The following PIP5K1B variants were observed in gnomAD, a reference collection of about 807,000 sequenced individuals.
The protein encoded by PIP5K1B is phosphatidylinositol-4-phosphate 5-kinase type 1 beta, also known as phosphatidylinositol 4-phosphate 5-kinase type-1 beta.
A neutral mutation model predicts 67.0 loss-of-function variants in PIP5K1B; 42 were observed. That is an observed-to-expected ratio of 0.63 (90% CI 0.49 to 0.81). The LOEUF is 0.81. PIP5K1B is among the 30% of genes least tolerant of loss of function. The pLI, the probability that PIP5K1B is intolerant of heterozygous loss-of-function variation, is 0.00. For missense variants in PIP5K1B, 459 were observed against 646.3 expected, an observed-to-expected ratio of 0.71 and a Z score of 3.14; for synonymous variants, 214 against 231.4, an observed-to-expected ratio of 0.92 and a Z score of 0.68.
intron 14 of PIP5K1B, among the ~76,000 whole-genome samples, chr9:68,956,461 C>G (rs1465083634): frequency 1.3e-5 from 2 of 151,986 alleles, no homozygotes; most frequent in African/African-American, 4.8e-5. Flanking sequence ...TGAGGAGACT[C>G]TGTCTCAGAA....
intron 14 of PIP5K1B, among the ~76,000 whole-genome samples, chr9:68,950,270 C>T (rs1827994754): frequency 6.6e-6 from 1 of 152,178 alleles, no homozygotes; most frequent in African/African-American, 2.4e-5. Context: ...CCCCTCTTTG[C>T]TTAAAGGTCA....
intron 13 of PIP5K1B, among the ~76,000 whole-genome samples, chr9:68,939,035 A>G (rs190262832): frequency 1.9e-4 from 29 of 152,336 alleles, no homozygotes; most frequent in Admixed American, 1.8e-3. Context: ...CCCTTTTGCT[A>G]GGTCACATCA....
At position 68,774,894 on chromosome 9, in the gene PIP5K1B, CAGAT is replaced by C. The variant is rs529143760; in HGVS notation, c.-86+32240_-86+32243del. On this transcript the variant is annotated intron_variant, in intron 2 of 15. Coordinates refer to ENST00000265382, the MANE Select transcript of PIP5K1B (RefSeq NM_003558.4). ...GTTTCATTGCAACTGAAGTCTCACTCAGATAGTATCTTTTTTCCTTGATCAACTT... is the reference window on the plus strand; with the variant it reads ...GTTTCATTGCAACTGAAGTCTCACTCAGTATCTTTTTTCCTTGATCAACTT... Among the ~76,000 whole-genome samples the C allele has an allele frequency of 2.4e-3, 367 of 152,346 alleles. 1 individual carries two copies. The highest frequency in any genetic ancestry group is 8.2e-3 in the African/African-American group (340 of 41,572).
intron 2 of PIP5K1B, among the ~76,000 whole-genome samples, chr9:68,775,377 T>C (rs1830865219): frequency 6.6e-6 from 1 of 152,212 alleles, no homozygotes; most frequent in Non-Finnish European, 1.5e-5. Flanking sequence ...CTTTACAGCT[T>C]CTATTTGGCA....
chr9:68,844,025 A>G lies in PIP5K1B; in HGVS notation c.70-19812A>G, dbSNP rs141971758. On this transcript the variant is annotated intron_variant, in intron 4 of 15. Transcript: ENST00000265382. ...AGTAGTTGGCCAGGCCTTTTGTGCAACGGACTCAAGAAACATGTAAGAGAA... is the reference window on the plus strand; with the variant it reads ...AGTAGTTGGCCAGGCCTTTTGTGCAGCGGACTCAAGAAACATGTAAGAGAA... 1.8e-4 allele frequency among the ~76,000 whole-genome samples: 27 copies of G among 152,328 alleles called. No individual in the cohort carries two copies. In the East Asian group the frequency reaches 4.6e-3, roughly 26 times the overall value.
At chr9:68,762,430 T>C (rs534692612) in intron 2 of PIP5K1B, among the ~76,000 whole-genome samples, 48 of 152,232 alleles carry the variant, frequency 3.2e-4, no homozygotes, top group African/African-American at 1.1e-3. Context: ...TTCAGTCCAC[T>C]CTTGGGTAGA....
intron 14 of PIP5K1B, among the ~76,000 whole-genome samples, chr9:68,987,428 G>T (rs988737495): frequency 6.6e-6 from 1 of 151,930 alleles, no homozygotes; most frequent in African/African-American, 2.4e-5. Context: ...AGGGCGTGGT[G>T]GCAAGTGCCT....
intron 13 of PIP5K1B, among the ~76,000 whole-genome samples, chr9:68,937,520 G>T (rs1032398934): frequency 1.3e-5 from 2 of 152,026 alleles, no homozygotes; most frequent in African/African-American, 2.4e-5. Flanking sequence ...CTGGCTAGAG[G>T]TCTATCTATT....
At chr9:68,880,055 T>G (rs1824101319) in intron 6 of PIP5K1B, among the ~76,000 whole-genome samples, 1 of 151,784 alleles carries the variant, frequency 6.6e-6, no homozygotes, top group Non-Finnish European at 1.5e-5. Context: ...CTATAACTGT[T>G]AAATTGAATG....
chr9:68,830,253 C>T (rs1195460908), intron 4 of PIP5K1B, among the ~76,000 whole-genome samples: 2 of 152,246 alleles, frequency 1.3e-5, no homozygotes, highest in East Asian at 1.9e-4. Context: ...CATGTGTAAT[C>T]ATATCACGTT....
chr9:68,866,114 G>A (rs1368807534), intron 5 of PIP5K1B, among the ~76,000 whole-genome samples: 1 of 151,926 alleles, frequency 6.6e-6, no homozygotes, highest in Non-Finnish European at 1.5e-5. Flanking sequence ...GGCATCCATT[G>A]TCACATTTAA....
chr9:68,926,503 T>G (rs1474395318), intron 12 of PIP5K1B, among the ~76,000 whole-genome samples: 2 of 152,166 alleles, frequency 1.3e-5, no homozygotes, highest in East Asian at 3.8e-4. Flanking sequence ...CCTTTTAAAG[T>G]GTACAGGCCT....
chr9:68,783,713 C>T (rs1300348493), intron 2 of PIP5K1B: 3 of 167,110 alleles, frequency 1.8e-5, no homozygotes, highest in Admixed American at 6.5e-5. Flanking sequence ...TCTATTGCCA[C>T]TCTGATCCAG....
rs1184065346 is a variant in PIP5K1B at position 68,935,032 on chromosome 9, C to T, written c.1344C>T (p.Ser448=). ...TGACTGAAGGACAAAGTTTTAGCAG[C>T]CTTGATGAAGAAGGTAAAGATATGT... ...DLLTEGQSFS[S]LDEEALGSRH... The change falls in exon 13 of 16, where the codon AGC becomes AGT. Residue 448 remains serine (S), a synonymous_variant. Coordinates refer to ENST00000265382, the MANE Select transcript of PIP5K1B (RefSeq NM_003558.4). 3.7e-6 allele frequency: 6 copies of T among 1,612,728 alleles called. No homozygotes were observed. Among genetic ancestry groups the T allele is most frequent in the Non-Finnish European group, 4.2e-6 (5 of 1,179,238 alleles).
chr9:68,986,796 T>C (rs1056644834), intron 14 of PIP5K1B, among the ~76,000 whole-genome samples: 1 of 152,224 alleles, frequency 6.6e-6, no homozygotes, highest in Non-Finnish European at 1.5e-5. Flanking sequence ...GGCTTACTCA[T>C]AGCTTCCAAA....
intron 2 of PIP5K1B, among the ~76,000 whole-genome samples, chr9:68,760,901 T>C (rs1830156777): frequency 6.6e-6 from 1 of 152,134 alleles, no homozygotes; most frequent in African/African-American, 2.4e-5. Flanking sequence ...CCTGTTGACA[T>C]GTTCTACCTC....
At chr9:68,787,080 C>T (rs185919373) in intron 2 of PIP5K1B, among the ~76,000 whole-genome samples, 11 of 152,196 alleles carry the variant, frequency 7.2e-5, no homozygotes, top group South Asian at 6.2e-4. Flanking sequence ...CCTACTTTTG[C>T]GGTTATGGGA....
chr9:68,835,369 A>C (rs944143254), intron 4 of PIP5K1B, among the ~76,000 whole-genome samples: 2 of 152,236 alleles, frequency 1.3e-5, no homozygotes, highest in African/African-American at 4.8e-5. Context: ...TGTGCCATTG[A>C]TGAGCTCATC....
chr9:68,710,846 C>A (rs1827355534), intron 1 of PIP5K1B, among the ~76,000 whole-genome samples: 1 of 152,122 alleles, frequency 6.6e-6, no homozygotes, highest in Non-Finnish European at 1.5e-5. Context: ...ATGATGGATG[C>A]ACAGTAAGTT....
Sources: allele counts gnomAD v4.1 joint callset (sites outside exome capture counted in the v4.1 genomes callset), GRCh38; gene constraint gnomAD v4.1.1; transcripts MANE v1.5; gene names NCBI Gene and HGNC (gene_info 2026-07-23, HGNC 2026-07-21).